The following RBMS3 variants were observed in gnomAD, a reference collection of about 807,000 sequenced individuals.
The protein encoded by RBMS3 is RNA-binding motif, single-stranded-interacting protein 3.
In RBMS3, 27 loss-of-function variants were observed where a neutral mutation model predicts 66.8. The ratio of observed to expected loss-of-function variants is 0.40; its 90% confidence interval spans 0.30 to 0.56. The LOEUF is 0.56. RBMS3 is among the 20% of genes least tolerant of loss of function. The pLI is 0.40. For synonymous variants in RBMS3, 188 were observed against 183.0 expected (o/e 1.03, Z -0.22); for missense variants, 513 against 549.5 (o/e 0.93, Z 0.66).
At chr3:29,512,386 G>A (rs972979279) in intron 3 of RBMS3, among the ~76,000 whole-genome samples, 3 of 151,952 alleles carry the variant, frequency 2.0e-5, no homozygotes, top group Non-Finnish European at 4.4e-5. Context: ...ACATTAGTTA[G>A]AATTAAATTA....
At chr3:29,514,219 A>T (rs71319095) in intron 3 of RBMS3, among the ~76,000 whole-genome samples, 7,106 of 152,262 alleles carry the variant, frequency 0.047, 212 homozygotes, top group South Asian at 0.1. Flanking sequence ...TGTAGCAATG[A>T]CACAATTCTC....
intron 4 of RBMS3, among the ~76,000 whole-genome samples, chr3:29,725,769 C>T (rs998183740): frequency 6.6e-6 from 1 of 152,152 alleles, no homozygotes; most frequent in Non-Finnish European, 1.5e-5. Context: ...GAGCCGAATT[C>T]TACCAGATGT....
At chr3:29,689,458 G>T (rs1435635212) in intron 4 of RBMS3, among the ~76,000 whole-genome samples, 1 of 152,054 alleles carries the variant, frequency 6.6e-6, no homozygotes, top group Non-Finnish European at 1.5e-5. Flanking sequence ...TTAAAATTGG[G>T]CTGACAAAGC....
At chr3:29,928,953 A>G (rs552778537) in intron 10 of RBMS3, among the ~76,000 whole-genome samples, 1 of 152,220 alleles carries the variant, frequency 6.6e-6, no homozygotes, top group East Asian at 1.9e-4. Flanking sequence ...ACCCTTTGTC[A>G]TTGAAGCTCT....
At chr3:30,000,717 G>A (rs968555228) in intron 14 of RBMS3, among the ~76,000 whole-genome samples, 2 of 152,230 alleles carry the variant, frequency 1.3e-5, no homozygotes, top group Non-Finnish European at 2.9e-5. Context: ...TCATAAAAAG[G>A]ATGAGTTCAT....
intron 6 of RBMS3, among the ~76,000 whole-genome samples, chr3:29,811,984 A>G (rs2057743291): frequency 6.6e-6 from 1 of 152,142 alleles, no homozygotes; most frequent in South Asian, 2.1e-4. Flanking sequence ...CTACATGTCA[A>G]TCCCTGTGGA....
At chr3:29,825,025 A>G (rs2058170391) in intron 6 of RBMS3, among the ~76,000 whole-genome samples, 1 of 151,650 alleles carries the variant, frequency 6.6e-6, no homozygotes, top group South Asian at 2.1e-4. Flanking sequence ...AAATTAGGGT[A>G]AACTATATCA....
intron 7 of RBMS3, among the ~76,000 whole-genome samples, chr3:29,870,182 A>G (rs576898328): frequency 6.6e-6 from 1 of 152,272 alleles, no homozygotes; most frequent in East Asian, 1.9e-4. Context: ...ATTACGTTCT[A>G]AAAAGGAGGT....
intron 3 of RBMS3, among the ~76,000 whole-genome samples, chr3:29,538,889 C>T (rs2045664718): frequency 6.6e-6 from 1 of 152,130 alleles, no homozygotes; most frequent in Admixed American, 6.5e-5. Flanking sequence ...TGCTCAATTA[C>T]ATAGTTATTA....
At chr3:29,355,000 T>C (rs2037134807) in intron 1 of RBMS3, among the ~76,000 whole-genome samples, 1 of 152,128 alleles carries the variant, frequency 6.6e-6, no homozygotes, top group Non-Finnish European at 1.5e-5. Flanking sequence ...GGCAATGTGT[T>C]CAATGACAAT....
chr3:29,951,886 CATT>C (rs1256894765), intron 12 of RBMS3, among the ~76,000 whole-genome samples: 3 of 151,432 alleles, frequency 2.0e-5, no homozygotes, highest in Non-Finnish European at 4.4e-5. Context: ...AGTGAACAAT[CATT>C]ATGATTTTGA....
At chr3:29,967,079 G>A (rs1319548356) in intron 12 of RBMS3, among the ~76,000 whole-genome samples, 1 of 152,076 alleles carries the variant, frequency 6.6e-6, no homozygotes, top group African/African-American at 2.4e-5. Context: ...TTTTGTTGTT[G>A]GATTTGGTTA....
intron 6 of RBMS3, among the ~76,000 whole-genome samples, chr3:29,818,100 A>G (rs1246609930): frequency 6.6e-6 from 1 of 152,188 alleles, no homozygotes; most frequent in South Asian, 2.1e-4. Context: ...AGAAAGATAT[A>G]TAATTAACCA....
At chr3:29,416,932 T>G (rs973078800) in intron 1 of RBMS3, among the ~76,000 whole-genome samples, 1 of 152,082 alleles carries the variant, frequency 6.6e-6, no homozygotes. Flanking sequence ...CTATTACCAT[T>G]TATGAGTTGT....
At chr3:29,671,830 G>T (rs139963230) in intron 4 of RBMS3, among the ~76,000 whole-genome samples, 1 of 152,156 alleles carries the variant, frequency 6.6e-6, no homozygotes, top group Non-Finnish European at 1.5e-5. Flanking sequence ...AAGTGACGGG[G>T]AGAATGGAAC....
Position 30,006,550 on chromosome 3 carries a change from C to T in RBMS3, c.*2688C>T, listed in dbSNP as rs1377936596. Reference sequence around the variant, plus strand: ...CTTCCCATGCATTATAAAGGTGGCACTTAAGTTTTTATCTTTGAAAAGTGG... The same window carrying T: ...CTTCCCATGCATTATAAAGGTGGCATTTAAGTTTTTATCTTTGAAAAGTGG... On this transcript the variant is annotated 3_prime_UTR_variant, in exon 15 of 15. Transcript: ENST00000383767. The T allele has an allele frequency of 6.6e-6, 1 of 151,974 alleles. No homozygotes were observed. Among genetic ancestry groups the T allele is most frequent in the Admixed American group, 6.6e-5 (1 of 15,244 alleles). The allele number at this position is 151,974 out of a possible 1,614,324, so 9.4% of individuals were successfully genotyped here.
chr3:29,636,435 A>C (rs780556341), intron 4 of RBMS3, among the ~76,000 whole-genome samples: 7 of 151,928 alleles, frequency 4.6e-5, no homozygotes, highest in Admixed American at 6.6e-5. Flanking sequence ...ACAGCCAATA[A>C]ATGGCTGTCA....
chr3:29,976,908 G>A (rs1171892506), intron 12 of RBMS3, among the ~76,000 whole-genome samples: 1 of 151,992 alleles, frequency 6.6e-6, no homozygotes, highest in Non-Finnish European at 1.5e-5. Context: ...ACTCAACTCT[G>A]ACAAATCGTA....
intron 10 of RBMS3, among the ~76,000 whole-genome samples, chr3:29,915,239 T>C (rs983877765): frequency 2.6e-4 from 39 of 152,074 alleles, no homozygotes; most frequent in African/African-American, 9.1e-4. Context: ...TCTTTGGCCT[T>C]TGGGGCTTTA....
Sources: allele counts gnomAD v4.1 joint callset (sites outside exome capture counted in the v4.1 genomes callset), GRCh38; gene constraint gnomAD v4.1.1; transcripts MANE v1.5; gene names NCBI Gene and HGNC (gene_info 2026-07-23, HGNC 2026-07-21).